Variants in PUS10 observed in about 807,000 individuals in gnomAD.
PUS10 encodes the protein tRNA pseudouridine synthase Pus10.
In PUS10, 59 loss-of-function variants were observed where a neutral mutation model predicts 75.0. The ratio of observed to expected loss-of-function variants is 0.79; its 90% CI spans 0.64 to 0.98. PUS10 has a LOEUF of 0.98. PUS10 is among the 50% of genes least tolerant of loss of function. The probability of loss-of-function intolerance (pLI) is 0.00; values close to 1 mark genes in which losing one functional copy is unlikely to be tolerated. For missense variants in PUS10, 650 were observed against 614.4 expected, an observed-to-expected ratio of 1.06 and a Z score of -0.61; for synonymous variants, 219 against 211.6, an observed-to-expected ratio of 1.03 and a Z score of -0.30.
intron 15 of PUS10, among the ~76,000 whole-genome samples, chr2:60,952,279 A>T (rs1347499553): frequency 6.7e-6 from 1 of 149,918 alleles, no homozygotes; most frequent in Non-Finnish European, 1.5e-5. Flanking sequence ...GGTTGCAGTG[A>T]GCTGAGATTG....
chr2:61,017,697 T>G, intron 1 of PUS10: 1 of 1,335,004 alleles, frequency 7.5e-7, no homozygotes, highest in Non-Finnish European at 1.0e-6. Context: ...ACGCTCCAGG[T>G]GCTGGTCTAC....
intron 15 of PUS10, among the ~76,000 whole-genome samples, chr2:60,950,337 A>T (rs1308877610): frequency 6.6e-6 from 1 of 152,196 alleles, no homozygotes; most frequent in African/African-American, 2.4e-5. Context: ...ATATAGACAT[A>T]CGTCTATCTT....
chr2:60,945,503 A>G (rs1252996099), intron 16 of PUS10, among the ~76,000 whole-genome samples: 1 of 152,216 alleles, frequency 6.6e-6, no homozygotes, highest in African/African-American at 2.4e-5. Context: ...GTCACCTGCC[A>G]GATGGTAGGT....
chr2:60,968,631 G>A (rs1384331758), intron 5 of PUS10, among the ~76,000 whole-genome samples: 1 of 151,750 alleles, frequency 6.6e-6, no homozygotes, highest in African/African-American at 2.4e-5. Context: ...AAAAGAATAT[G>A]CAGATCACTA....
At chr2:60,994,412 C>A (rs1310369658) in intron 4 of PUS10, among the ~76,000 whole-genome samples, 1 of 151,252 alleles carries the variant, frequency 6.6e-6, no homozygotes, top group Non-Finnish European at 1.5e-5. Flanking sequence ...TCAAAAATAG[C>A]TCCTCACAAA....
At chr2:60,949,643 G>A (rs966377509) in intron 15 of PUS10, among the ~76,000 whole-genome samples, 4 of 152,096 alleles carry the variant, frequency 2.6e-5, no homozygotes, top group African/African-American at 9.7e-5. Flanking sequence ...TCAGAATGGG[G>A]AATTTAGTCA....
chr2:61,010,088 T>C (rs1205776313), intron 2 of PUS10: 2 of 152,346 alleles, frequency 1.3e-5, no homozygotes, highest in African/African-American at 4.8e-5. Flanking sequence ...TTCTTGTATA[T>C]TGCCTTACAT....
At chr2:61,006,528 TAC>T (rs772233274) in intron 4 of PUS10, 27 bp downstream of exon 4, 1 of 1,464,938 alleles carries the variant, frequency 6.8e-7, no homozygotes, top group Non-Finnish European at 9.5e-7. Context: ...GCACTTCACA[TAC>T]AGTTTTATGC....
At chr2:60,985,933 T>C (rs1391270102) in intron 4 of PUS10, among the ~76,000 whole-genome samples, 3 of 96,388 alleles carry the variant, frequency 3.1e-5, no homozygotes, top group Non-Finnish European at 5.7e-5. Flanking sequence ...GAAACCAGAC[T>C]TCACCAAAAA....
intron 4 of PUS10, among the ~76,000 whole-genome samples, chr2:60,980,858 T>C (rs1326382758): frequency 6.6e-6 from 1 of 152,200 alleles, no homozygotes; most frequent in Non-Finnish European, 1.5e-5. Context: ...TATATGTAGA[T>C]CAGTGGTTCT....
intron 8 of PUS10, among the ~76,000 whole-genome samples, chr2:60,964,777 T>C (rs1676234798): frequency 1.3e-5 from 2 of 152,208 alleles, no homozygotes; most frequent in Admixed American, 1.3e-4. Flanking sequence ...TGAGTAATAG[T>C]AACATCACTG....
chr2:60,948,216 G>A, intron 15 of PUS10, 31 bp from the exon 16 acceptor site: 1 of 1,611,708 alleles, frequency 6.2e-7, no homozygotes, highest in Non-Finnish European at 8.5e-7. Flanking sequence ...CAGTCCCAGA[G>A]TCAGAGCTTT....
Position 61,018,086 on chromosome 2 carries a change from G to T in PUS10, c.-94C>A. On this transcript the variant is annotated 5_prime_UTR_variant, in exon 1 of 18. Transcript: ENST00000316752. ...CAACGTTTTTTTCGGGAGCTCCTGG[G>T]CGTCTCTCTGGGTCTCTGTGCTTGA... 4.6e-6 allele frequency: 7 copies of T among 1,522,660 alleles called. No homozygotes were observed. The highest frequency in any genetic ancestry group is 6.2e-6 in the Non-Finnish European group (7 of 1,134,374). The allele number at this position is 1,522,660 out of a possible 1,614,324, so 94.3% of individuals were successfully genotyped here.
chr2:60,952,207 G>A (rs1052607083), intron 15 of PUS10, among the ~76,000 whole-genome samples: 13 of 151,964 alleles, frequency 8.6e-5, no homozygotes, highest in Middle Eastern at 3.4e-3. Context: ...GGTGGTGGGC[G>A]CCTATAATCT....
At chr2:60,959,362 T>A (rs1277129223) in intron 11 of PUS10, among the ~76,000 whole-genome samples, 2 of 152,214 alleles carry the variant, frequency 1.3e-5, no homozygotes, top group African/African-American at 2.4e-5. Context: ...TGTTTTGAAT[T>A]TCCCCAGGAG....
intron 4 of PUS10, among the ~76,000 whole-genome samples, chr2:60,992,230 G>A (rs985130539): frequency 1.3e-5 from 2 of 152,008 alleles, no homozygotes; most frequent in Non-Finnish European, 2.9e-5. Context: ...TGACCAAGCT[G>A]GTCGTGAACT....
At chr2:60,944,186 A>G (rs1169535348) in intron 17 of PUS10, 11 of 982,116 alleles carry the variant, frequency 1.1e-5, no homozygotes, top group South Asian at 9.4e-5. Flanking sequence ...TCTTCCTCCA[A>G]ATGATAGTTT....
intron 12 of PUS10, 72 bp downstream of exon 12, chr2:60,954,946 C>A: frequency 9.7e-7 from 1 of 1,032,780 alleles, no homozygotes; most frequent in Admixed American, 2.4e-5. Flanking sequence ...AGTGACTATG[C>A]TAAGCCTGCT....
At chr2:60,997,509 C>A (rs1678553152) in intron 4 of PUS10, among the ~76,000 whole-genome samples, 1 of 150,088 alleles carries the variant, frequency 6.7e-6, no homozygotes, top group Non-Finnish European at 1.5e-5. Context: ...ACTCGGGAGG[C>A]TGAGGCAGGA....
Sources: allele counts gnomAD v4.1 joint callset (sites outside exome capture counted in the v4.1 genomes callset), GRCh38; gene constraint gnomAD v4.1.1; transcripts MANE v1.5; gene names NCBI Gene and HGNC (gene_info 2026-07-23, HGNC 2026-07-21).